UTY: variants seen among roughly 807,000 people sequenced by gnomAD.
The protein encoded by UTY is histone demethylase UTY.
Under a neutral mutation model 32.5 loss-of-function variants are expected in UTY, and 12 were observed. The ratio of observed to expected loss-of-function variants is 0.37; its 90% CI spans 0.24 to 0.60. The LOEUF is 0.60. Among genes scored for constraint, UTY ranks in the 20% least tolerant of loss-of-function variants. The probability of loss-of-function intolerance (pLI) is 0.69; values close to 1 mark genes in which losing one functional copy is unlikely to be tolerated. For missense variants in UTY, 303 were observed against 299.2 expected (o/e 1.01, Z -0.09); for synonymous variants, 131 against 103.4 (o/e 1.27, Z -1.62).
rs768882293 is a variant in UTY, at chrY:13,378,080, T to G, written c.646-8731A>C. ...TTCAACATATAAGTTTATAAAACCA[T>G]GCATGGTTATTTTTAAAAAAGTATC... On this transcript the variant is annotated intron_variant, in intron 8 of 29. Coordinates refer to ENST00000545955, the MANE Select transcript of UTY (RefSeq NM_001258249.2). Among the ~76,000 whole-genome samples the G allele has an allele frequency of 1.8e-3, 61 of 33,616 alleles. No homozygotes were observed. The East Asian group carries it at 0.042, about 23-fold the overall frequency. The allele number at this position is 33,616 out of a possible 37,273, so 90.2% of individuals were successfully genotyped here. A position where few individuals can be genotyped will look rare whatever the true frequency, so the allele number is the denominator to read the frequency against.
chrY:13,453,456 C>A (rs776232273), intron 3 of UTY, among the ~76,000 whole-genome samples: 12 of 34,329 alleles, frequency 3.5e-4, no homozygotes, highest in Admixed American at 5.2e-4. Flanking sequence ...AACTTCTGTG[C>A]AAAGCACATT....
At chrY:13,343,621 C>A in intron 17 of UTY, among the ~76,000 whole-genome samples, 1 of 33,143 alleles carries the variant, frequency 3.0e-5, no homozygotes, top group South Asian at 6.8e-4. Context: ...AGATATGAAG[C>A]AGCTTCAGAT....
intron 17 of UTY, among the ~76,000 whole-genome samples, chrY:13,353,769 T>C (rs757633588): frequency 5.9e-5 from 2 of 33,768 alleles, no homozygotes; most frequent in Admixed American, 2.7e-4. Flanking sequence ...AAGACTTCAG[T>C]TGAGGAAGGA....
At chrY:13,275,469 G>T in intron 27 of UTY, among the ~76,000 whole-genome samples, 1 of 33,519 alleles carries the variant, frequency 3.0e-5, no homozygotes, top group South Asian at 6.5e-4. Context: ...TCTTTTAACA[G>T]AAATTTTTAC....
intron 27 of UTY, among the ~76,000 whole-genome samples, chrY:13,269,784 C>T (rs1052096578): frequency 3.0e-5 from 1 of 33,502 alleles, no homozygotes; most frequent in Non-Finnish European, 7.4e-5. Flanking sequence ...CAGTCCCTCA[C>T]GGCTTCCCTT....
chrY:13,457,598 T>G, intron 3 of UTY, among the ~76,000 whole-genome samples: 1 of 32,689 alleles, frequency 3.1e-5, no homozygotes, highest in Non-Finnish European at 7.5e-5. Flanking sequence ...CCAGACAATA[T>G]GATATGCAAA....
At chrY:13,442,194 G>T (rs763675767) in intron 4 of UTY, among the ~76,000 whole-genome samples, 1 of 33,774 alleles carries the variant, frequency 3.0e-5, no homozygotes, top group Admixed American at 2.7e-4. Context: ...ATTCAAAAGG[G>T]GTCTGTAGTA....
intron 4 of UTY, among the ~76,000 whole-genome samples, chrY:13,446,964 A>T (rs1021324356): frequency 3.2e-4 from 10 of 31,531 alleles, no homozygotes; most frequent in Admixed American, 8.8e-4. Flanking sequence ...CTAAAAAAAA[A>T]TTTTTTTTTT....
chrY:13,407,736 G>T (rs760097096), intron 6 of UTY, among the ~76,000 whole-genome samples: 1 of 32,889 alleles, frequency 3.0e-5, no homozygotes, highest in East Asian at 7.6e-4. Context: ...TATTAAAGCT[G>T]AATTAAACTG....
chrY:13,421,060 C>T (rs2072451754), intron 4 of UTY, among the ~76,000 whole-genome samples: 2 of 33,117 alleles, frequency 6.0e-5, no homozygotes, highest in Non-Finnish European at 1.5e-4. Flanking sequence ...AGAAAGTGGG[C>T]AAAGGACATA....
At chrY:13,293,646 TA>T (rs2057873323) in intron 27 of UTY, among the ~76,000 whole-genome samples, 9 of 33,430 alleles carry the variant, frequency 2.7e-4, no homozygotes, top group Non-Finnish European at 4.4e-4. Flanking sequence ...TGAAGAAGTA[TA>T]ATTACCTGTA....
At chrY:13,451,574 C>G in intron 3 of UTY, among the ~76,000 whole-genome samples, 1 of 32,989 alleles carries the variant, frequency 3.0e-5, no homozygotes, top group Non-Finnish European at 7.5e-5. Context: ...CAGGGTGGTA[C>G]TAATCTCCCT....
intron 27 of UTY, among the ~76,000 whole-genome samples, chrY:13,268,191 T>C: frequency 3.0e-5 from 1 of 33,371 alleles, no homozygotes; most frequent in East Asian, 7.9e-4. Context: ...TCTTTTCACA[T>C]AGTCCCATAT....
At chrY:13,432,707 C>T (rs2074140993) in intron 4 of UTY, among the ~76,000 whole-genome samples, 2 of 33,616 alleles carry the variant, frequency 5.9e-5, no homozygotes. Context: ...CAAACAATGT[C>T]GTAGGCAAAA....
chrY:13,238,325 T>C (rs911920784), intron 28 of UTY, among the ~76,000 whole-genome samples: 1 of 33,298 alleles, frequency 3.0e-5, no homozygotes, highest in African/African-American at 1.2e-4. Flanking sequence ...CTGATACCTA[T>C]ATGTGTGTAT....
chrY:13,462,863 A>T, intron 3 of UTY, among the ~76,000 whole-genome samples: 1 of 31,010 alleles, frequency 3.2e-5, no homozygotes, highest in Non-Finnish European at 7.7e-5. Flanking sequence ...ATATATATAT[A>T]TATGTACATA....
intron 6 of UTY, among the ~76,000 whole-genome samples, chrY:13,397,815 G>A: frequency 3.0e-5 from 1 of 33,075 alleles, no homozygotes; most frequent in African/African-American, 1.2e-4. Context: ...GATGTTTATC[G>A]TCTATGAACT....
chrY:13,265,927 C>G, intron 27 of UTY, among the ~76,000 whole-genome samples: 1 of 33,350 alleles, frequency 3.0e-5, no homozygotes, highest in Non-Finnish European at 7.4e-5. Context: ...ACCTCGTTTA[C>G]TGGGAGTTGT....
intron 5 of UTY, among the ~76,000 whole-genome samples, chrY:13,412,213 A>G: frequency 3.0e-5 from 1 of 33,758 alleles, no homozygotes; most frequent in Non-Finnish European, 7.4e-5. Flanking sequence ...AATCTAAATT[A>G]TTCTCCAAAT....
Sources: allele counts gnomAD v4.1 joint callset (sites outside exome capture counted in the v4.1 genomes callset), GRCh38; gene constraint gnomAD v4.1.1; transcripts MANE v1.5; gene names NCBI Gene and HGNC (gene_info 2026-07-23, HGNC 2026-07-21).